Variants in PDE8B observed in about 807,000 individuals in gnomAD.
PDE8B encodes high affinity cAMP-specific and IBMX-insensitive 3',5'-cyclic phosphodiesterase 8B.
In PDE8B, 26 loss-of-function variants were observed where a neutral mutation model predicts 101.3. That is an observed-to-expected ratio of 0.26 (90% CI 0.19 to 0.36). The LOEUF (loss-of-function observed/expected upper bound fraction) is 0.36. Among genes scored for constraint, PDE8B ranks in the 10% least tolerant of loss-of-function variants. The probability of loss-of-function intolerance (pLI) is 1.00; values close to 1 mark genes in which losing one functional copy is unlikely to be tolerated. For missense variants in PDE8B, 810 were observed against 1,163.1 expected (o/e 0.70, Z 4.42); for synonymous variants, 424 against 429.3 (o/e 0.99, Z 0.15).
chr5:77,167,408 CT>C, the PDE8B span, among the ~76,000 whole-genome samples: 1 of 152,194 alleles, frequency 6.6e-6, no homozygotes, highest in East Asian at 1.9e-4. Context: ...AAGAAAGAAC[CT>C]GTTGGGGAGT....
chr5:77,174,716 A>G, the PDE8B span, among the ~76,000 whole-genome samples: 1 of 152,084 alleles, frequency 6.6e-6, no homozygotes, highest in African/African-American at 2.4e-5. Flanking sequence ...GACCTTGAAG[A>G]GTTGGCAGAC....
rs534673200 is a variant in PDE8B at position 77,376,977 on chromosome 5, A to G, written c.1168-23271A>G. ...ATGTGGGTTTACACAGAAAAGTGCC[A>G]TCCGTCACTGACAATTCTTTAAGAA... is the stretch of plus-strand genomic sequence containing the variant. On this transcript the variant is annotated intron_variant, in intron 10 of 21. Transcript: ENST00000264917. Among the ~76,000 whole-genome samples the G allele has an allele frequency of 3.9e-5, 6 of 152,342 alleles. No homozygotes were observed. The South Asian group carries it at 6.2e-4, about 16-fold the overall frequency.
chr5:77,374,127 G>A (rs1785610863), intron 10 of PDE8B, among the ~76,000 whole-genome samples: 1 of 152,102 alleles, frequency 6.6e-6, no homozygotes, highest in East Asian at 1.9e-4. Context: ...GGGATTACAG[G>A]TGTGACTCAC....
chr5:77,133,672 G>A, the PDE8B span, among the ~76,000 whole-genome samples: 1 of 152,160 alleles, frequency 6.6e-6, no homozygotes, highest in South Asian at 2.1e-4. Flanking sequence ...TTGGAAGTTA[G>A]CATATGTACC....
At chr5:77,346,188 G>A (rs1290363125) in intron 7 of PDE8B, among the ~76,000 whole-genome samples, 1 of 152,134 alleles carries the variant, frequency 6.6e-6, no homozygotes, top group African/African-American at 2.4e-5. Flanking sequence ...TATGTTTTAT[G>A]GCTGCCCCGT....
intron 10 of PDE8B, among the ~76,000 whole-genome samples, chr5:77,379,145 A>C (rs975244717): frequency 6.6e-6 from 1 of 152,222 alleles, no homozygotes; most frequent in African/African-American, 2.4e-5. Context: ...AGTGGGCACA[A>C]GTACTGGGAG....
the PDE8B span, chr5:77,146,723 T>G: frequency 9.5e-6 from 3 of 316,656 alleles, no homozygotes; most frequent in African/African-American, 6.7e-5. Context: ...AGACCATGTC[T>G]GCTAAAGAGA....
At chr5:77,389,158 G>A (rs976953150) in intron 10 of PDE8B, among the ~76,000 whole-genome samples, 4 of 152,074 alleles carry the variant, frequency 2.6e-5, no homozygotes, top group Admixed American at 1.3e-4. Flanking sequence ...CTGTCCAAAC[G>A]GCCGCCCAGT....
chr5:77,269,284 A>G (rs1479504709), intron 1 of PDE8B, among the ~76,000 whole-genome samples: 1 of 152,092 alleles, frequency 6.6e-6, no homozygotes, highest in African/African-American at 2.4e-5. Flanking sequence ...TTTTTTGAGA[A>G]CTGTCTATTC....
At chr5:77,402,792 T>C (rs1047769978) in intron 11 of PDE8B, among the ~76,000 whole-genome samples, 4 of 152,224 alleles carry the variant, frequency 2.6e-5, no homozygotes, top group Non-Finnish European at 5.9e-5. Context: ...CCAGAGAAGT[T>C]AAGTAACATT....
At chr5:77,272,783 A>C (rs1763055289) in intron 1 of PDE8B, among the ~76,000 whole-genome samples, 1 of 152,204 alleles carries the variant, frequency 6.6e-6, no homozygotes, top group African/African-American at 2.4e-5. Flanking sequence ...GGCAAAAATA[A>C]CCGAAGGTCC....
intron 5 of PDE8B, among the ~76,000 whole-genome samples, chr5:77,331,875 G>T (rs1777196840): frequency 6.6e-6 from 1 of 152,080 alleles, no homozygotes; most frequent in Non-Finnish European, 1.5e-5. Flanking sequence ...TCTACCCTAG[G>T]GACAGGCCCA....
chr5:77,215,453 A>G (rs558297991), intron 1 of PDE8B, among the ~76,000 whole-genome samples: 2 of 152,324 alleles, frequency 1.3e-5, no homozygotes, highest in African/African-American at 4.8e-5. Context: ...TTCCCAGCAC[A>G]TTAATTAGAA....
the PDE8B span, among the ~76,000 whole-genome samples, chr5:77,187,237 T>TG: frequency 6.6e-6 from 1 of 152,212 alleles, no homozygotes; most frequent in African/African-American, 2.4e-5. Flanking sequence ...AAATAGAGCA[T>TG]GGGGATAAAT....
At chr5:77,204,496 G>C in the PDE8B span, among the ~76,000 whole-genome samples, 4 of 151,994 alleles carry the variant, frequency 2.6e-5, no homozygotes, top group Non-Finnish European at 5.9e-5. Context: ...TCTAAATCTA[G>C]ATTTTCACAC....
chr5:77,223,309 G>A (rs1467467044), intron 1 of PDE8B, among the ~76,000 whole-genome samples: 2 of 150,986 alleles, frequency 1.3e-5, no homozygotes, highest in African/African-American at 4.9e-5. Context: ...ACGTATACAT[G>A]TGCCATGCTG....
intron 11 of PDE8B, among the ~76,000 whole-genome samples, chr5:77,402,057 T>C (rs940177071): frequency 1.3e-5 from 2 of 152,212 alleles, no homozygotes; most frequent in African/African-American, 4.8e-5. Flanking sequence ...ATCTTGAATT[T>C]AATCTTAAAT....
rs762032512 is a variant in PDE8B, at chr5:77,413,261, C to T, written c.1863C>T (p.Ala621=). The T allele has an allele frequency of 1.3e-5, 21 of 1,613,920 alleles. No individual in the cohort carries two copies. The highest frequency in any genetic ancestry group is 5.3e-5 in the African/African-American group (4 of 74,882). The change falls in exon 17 of 22, where the codon GCC becomes GCT. Residue 621 remains alanine (A), a synonymous_variant. Coordinates refer to ENST00000264917, the MANE Select transcript of PDE8B (RefSeq NM_003719.5). ...CCTACCACAACTCCACCCATGCTGCCGACGTCCTGCACGCCACCGCTTTCT... is the reference window on the plus strand; with the variant it reads ...CCTACCACAACTCCACCCATGCTGCTGACGTCCTGCACGCCACCGCTTTCT... ...SNAYHNSTHA[A]DVLHATAFFL...
chr5:77,302,927 A>T (rs1289355414), intron 1 of PDE8B, among the ~76,000 whole-genome samples: 1 of 152,166 alleles, frequency 6.6e-6, no homozygotes, highest in Non-Finnish European at 1.5e-5. Flanking sequence ...ACTCATCTTG[A>T]GCAAGGTCCC....
Sources: allele counts gnomAD v4.1 joint callset (sites outside exome capture counted in the v4.1 genomes callset), GRCh38; gene constraint gnomAD v4.1.1; transcripts MANE v1.5; gene names NCBI Gene and HGNC (gene_info 2026-07-23, HGNC 2026-07-21).